The following MAP2K4 variants were observed in gnomAD, a reference collection of about 807,000 sequenced individuals.
MAP2K4 encodes the protein dual specificity mitogen-activated protein kinase kinase 4.
MAP2K4 carries 4 observed loss-of-function variants against 48.5 expected under a neutral mutation model. The ratio of observed to expected loss-of-function variants is 0.08; its 90% CI spans 0.04 to 0.19. MAP2K4 has a LOEUF of 0.19. Among genes scored for constraint, MAP2K4 ranks in the 10% least tolerant of loss-of-function variants. The pLI, the probability that MAP2K4 is intolerant of heterozygous loss-of-function variation, is 1.00. For synonymous variants in MAP2K4, 166 were observed against 173.1 expected (o/e 0.96, Z 0.32); for missense variants, 258 against 493.3 (o/e 0.52, Z 4.52).
intron 3 of MAP2K4, among the ~76,000 whole-genome samples, chr17:12,086,406 C>T (rs186379622): frequency 1.4e-4 from 21 of 152,224 alleles, no homozygotes; most frequent in African/African-American, 3.8e-4. Flanking sequence ...TGATTTTGAA[C>T]TCAGGTTGCT....
chr17:12,047,949 A>ATTAGTAT (rs1295288611), intron 1 of MAP2K4, among the ~76,000 whole-genome samples: 1 of 152,204 alleles, frequency 6.6e-6, no homozygotes, highest in Non-Finnish European at 1.5e-5. Flanking sequence ...AGTGGTATTT[A>ATTAGTAT]TTAGTATTTT....
chr17:12,082,975 C>T (rs995618037), intron 3 of MAP2K4, among the ~76,000 whole-genome samples: 2 of 152,112 alleles, frequency 1.3e-5, no homozygotes, highest in Non-Finnish European at 2.9e-5. Context: ...GTTGTGTTGT[C>T]CCTTTGTGCT....
intron 3 of MAP2K4, among the ~76,000 whole-genome samples, chr17:12,084,129 A>G (rs1456472272): frequency 1.3e-5 from 2 of 152,094 alleles, no homozygotes; most frequent in Non-Finnish European, 1.5e-5. Flanking sequence ...TTCCTTCCCC[A>G]AATTTATTTT....
intron 2 of MAP2K4, among the ~76,000 whole-genome samples, chr17:12,063,978 G>A (rs1332746449): frequency 3.7e-5 from 4 of 109,062 alleles, no homozygotes; most frequent in Admixed American, 3.3e-4. Flanking sequence ...GTCAGGGGGC[G>A]GGGGGCGGGG....
At chr17:12,026,157 A>G (rs1182577096) in intron 1 of MAP2K4, among the ~76,000 whole-genome samples, 2 of 152,236 alleles carry the variant, frequency 1.3e-5, no homozygotes, top group Admixed American at 6.5e-5. Flanking sequence ...TTTAGAATAC[A>G]TATTTTCTCA....
At chr17:12,114,098 C>A (rs1356915929) in intron 7 of MAP2K4, among the ~76,000 whole-genome samples, 1 of 152,196 alleles carries the variant, frequency 6.6e-6, no homozygotes, top group Non-Finnish European at 1.5e-5. Context: ...GCCTCCCTGC[C>A]AGCAGCATTT....
chr17:12,084,518 A>G (rs996629245), intron 3 of MAP2K4, among the ~76,000 whole-genome samples: 3 of 152,144 alleles, frequency 2.0e-5, no homozygotes, highest in African/African-American at 7.2e-5. Context: ...ACAACCTTCA[A>G]CTCTTACCAG....
intron 2 of MAP2K4, among the ~76,000 whole-genome samples, 161 bp downstream of exon 2, chr17:12,055,152 A>G (rs1970246406): frequency 6.6e-6 from 1 of 152,096 alleles, no homozygotes; most frequent in South Asian, 2.1e-4. Flanking sequence ...GTTAAATTGC[A>G]AGTTGCATTT....
At chr17:12,028,431 A>T (rs1969328194) in intron 1 of MAP2K4, among the ~76,000 whole-genome samples, 2 of 152,226 alleles carry the variant, frequency 1.3e-5, no homozygotes, top group Non-Finnish European at 2.9e-5. Flanking sequence ...AACCATCAGG[A>T]AATAAATCTT....
At chr17:12,114,230 G>A (rs1000079282) in intron 7 of MAP2K4, among the ~76,000 whole-genome samples, 7 of 152,128 alleles carry the variant, frequency 4.6e-5, no homozygotes, top group Non-Finnish European at 1.0e-4. Context: ...TAATAAAAAA[G>A]TAAGAGTCAC....
chr17:12,051,204 A>G (rs1970130864), intron 1 of MAP2K4, among the ~76,000 whole-genome samples: 1 of 152,170 alleles, frequency 6.6e-6, no homozygotes, highest in African/African-American at 2.4e-5. Flanking sequence ...TGAAAAAAGT[A>G]GGCAGTATTG....
chr17:12,056,733 C>T (rs907067429), intron 2 of MAP2K4, among the ~76,000 whole-genome samples: 22 of 152,168 alleles, frequency 1.4e-4, no homozygotes, highest in African/African-American at 5.3e-4. Flanking sequence ...ACATTATCTC[C>T]TCTACCTTCC....
chr17:12,112,528 T>G (rs1281013820), intron 6 of MAP2K4, among the ~76,000 whole-genome samples: 1 of 151,520 alleles, frequency 6.6e-6, no homozygotes, highest in Non-Finnish European at 1.5e-5. Flanking sequence ...CCCACAGCTG[T>G]TTCGGTCATG....
intron 8 of MAP2K4, 35 bp from the exon 9 acceptor site, chr17:12,129,104 G>T (rs898887245): frequency 6.2e-7 from 1 of 1,607,096 alleles, no homozygotes; most frequent in African/African-American, 1.3e-5. Context: ...AATGATGCCT[G>T]GTGTATTTTG....
intron 4 of MAP2K4, among the ~76,000 whole-genome samples, chr17:12,104,679 T>C (rs1972048084): frequency 6.6e-6 from 1 of 152,150 alleles, no homozygotes. Flanking sequence ...TCCAAATAGA[T>C]GTTTTTGTCT....
intron 7 of MAP2K4, chr17:12,115,707 T>C (rs1396580846): frequency 1.4e-5 from 11 of 762,350 alleles, no homozygotes; most frequent in Non-Finnish European, 2.7e-5. Flanking sequence ...TCAAGCCAAC[T>C]CACCAAGCTG....
At chr17:12,023,764 T>C (rs1447968911) in intron 1 of MAP2K4, among the ~76,000 whole-genome samples, 2 of 152,276 alleles carry the variant, frequency 1.3e-5, no homozygotes, top group South Asian at 2.1e-4. Context: ...GGTTTGAATC[T>C]CTTGGCCAGG....
In MAP2K4 at chr17:12,044,656, G is replaced by A. The variant is rs1597406941; in HGVS notation, c.116-10233G>A. Among the ~76,000 whole-genome samples the A allele has an allele frequency of 2.0e-5, 3 of 152,166 alleles. No individual in the cohort carries two copies. The East Asian group carries it at 5.8e-4, about 29-fold the overall frequency. Reference sequence around the variant, plus strand: ...CACTAGCAAACAAATAATCACTTCTGCAGCACATACCAGCTGGGTGTCCTC... The same window carrying A: ...CACTAGCAAACAAATAATCACTTCTACAGCACATACCAGCTGGGTGTCCTC... On this transcript the variant is annotated intron_variant, in intron 1 of 10. Transcript: ENST00000353533.
intron 9 of MAP2K4, among the ~76,000 whole-genome samples, chr17:12,132,783 G>C (rs1026602984): frequency 5.3e-5 from 8 of 152,194 alleles, no homozygotes; most frequent in African/African-American, 1.9e-4. Flanking sequence ...TGCTGCAGAA[G>C]AGTGCAGAAG....
Sources: gnomAD v4.1 joint callset for allele counts (sites outside exome capture counted in the v4.1 genomes callset) on GRCh38, gnomAD v4.1.1 for gene constraint, MANE v1.5 for transcripts, NCBI Gene and HGNC (gene_info 2026-07-23, HGNC 2026-07-21) for gene names.